Variants in ABCA12 observed in about 807,000 individuals in gnomAD.
ABCA12 encodes the protein ATP binding cassette subfamily A member 12, also known as glucosylceramide transporter ABCA12.
Under a neutral mutation model 293.5 loss-of-function variants are expected in ABCA12, and 156 were observed. The ratio of observed to expected loss-of-function variants is 0.53; its 90% CI spans 0.47 to 0.61. The LOEUF (loss-of-function observed/expected upper bound fraction) is 0.61, where lower values mean the gene tolerates loss of function less well. Ranked by LOEUF, ABCA12 falls within the 20% of genes least tolerant of loss-of-function variation. ABCA12 has a pLI of 0.00. For missense variants in ABCA12, 2,797 were observed against 3,090.2 expected (o/e 0.91, Z 2.25); for synonymous variants, 1,063 against 1,108.0 (o/e 0.96, Z 0.81).
chr2:214,965,121 T>C (rs1020866097), intron 39 of ABCA12, among the ~76,000 whole-genome samples: 1 of 152,004 alleles, frequency 6.6e-6, no homozygotes, highest in Non-Finnish European at 1.5e-5. Flanking sequence ...AAACAAACAA[T>C]GGGGAAAAAG....
chr2:215,071,316 T>A lies in ABCA12; in HGVS notation c.164-7097A>T, dbSNP rs773582192. ...CATACATCATTTCATACAAGCTCCA[T>A]GACAATTCTGTCAGATAGGCAGGGT... On this transcript the variant is annotated intron_variant, in intron 2 of 52. Transcript: ENST00000272895. Among the ~76,000 whole-genome samples the A allele has an allele frequency of 1.6e-4, 24 of 152,188 alleles. No individual in the cohort carries two copies. In the South Asian group the frequency reaches 4.8e-3, roughly 30 times the overall value.
At chr2:215,033,534 G>T (rs1398671956) in intron 8 of ABCA12, among the ~76,000 whole-genome samples, 2 of 152,086 alleles carry the variant, frequency 1.3e-5, no homozygotes, top group Non-Finnish European at 2.9e-5. Flanking sequence ...GGACTATAAA[G>T]TATATTGAGA....
At position 215,004,311 on chromosome 2, in the gene ABCA12, T is replaced by C; in HGVS notation, c.2593-12A>G. 6.3e-7 allele frequency: 1 copy of C among 1,593,024 alleles called. No homozygotes were observed. The highest frequency in any genetic ancestry group is 8.6e-7 in the Non-Finnish European group (1 of 1,163,246). On this transcript the variant is annotated splice_polypyrimidine_tract_variant and intron_variant, in intron 19 of 52. Transcript: ENST00000272895. ...TTCCTTAGAGTATTCTAACAAATAA[T>C]AATTAAAAATCAGTTTCAATACAAG...
intron 2 of ABCA12, among the ~76,000 whole-genome samples, chr2:215,095,590 C>T (rs1005777567): frequency 1.2e-4 from 18 of 152,108 alleles, no homozygotes; most frequent in Admixed American, 8.5e-4. Flanking sequence ...CTCCATACCA[C>T]CCCCAAAAAT....
chr2:215,044,253 T>A lies in ABCA12; in HGVS notation c.872+1584A>T, dbSNP rs958548081. ...TGTCACACTATTTTCCAAATGACTGTGTTGTTTCCCATGCTAACTTGTAAT... is the reference window on the plus strand; with the variant it reads ...TGTCACACTATTTTCCAAATGACTGAGTTGTTTCCCATGCTAACTTGTAAT... On this transcript the variant is annotated intron_variant, in intron 7 of 52. Coordinates refer to ENST00000272895, the MANE Select transcript of ABCA12 (RefSeq NM_173076.3). Among the ~76,000 whole-genome samples, 5 of 152,246 alleles carry A rather than the reference T, an allele frequency of 3.3e-5. No homozygotes were observed. In the East Asian group the frequency reaches 9.6e-4, roughly 29 times the overall value.
intron 39 of ABCA12, 37 bp from the exon 40 acceptor site, chr2:214,959,115 C>A (rs776963472): frequency 6.5e-7 from 1 of 1,546,938 alleles, no homozygotes; most frequent in East Asian, 2.2e-5. Flanking sequence ...AGTAGGTATT[C>A]AGTTAATCAG....
intron 15 of ABCA12, among the ~76,000 whole-genome samples, chr2:215,012,343 G>C (rs983164302): frequency 6.6e-6 from 1 of 152,128 alleles, no homozygotes; most frequent in African/African-American, 2.4e-5. Context: ...ACAAAGATTT[G>C]TATGTGAATG....
chr2:215,132,731 A>C (rs1018342362), intron 1 of ABCA12, among the ~76,000 whole-genome samples: 6 of 152,030 alleles, frequency 3.9e-5, no homozygotes, highest in African/African-American at 1.4e-4. Flanking sequence ...TGAGGCATTT[A>C]TGTTAAAAGT....
At chr2:215,064,014 A>G in intron 3 of ABCA12, 52 bp downstream of exon 3, 2 of 1,611,142 alleles carry the variant, frequency 1.2e-6, no homozygotes, top group Non-Finnish European at 1.7e-6. Flanking sequence ...CTCAGAAGGA[A>G]ACAAGATTTG....
At chr2:215,041,208 A>C (rs1338967726) in intron 7 of ABCA12, among the ~76,000 whole-genome samples, 1 of 152,210 alleles carries the variant, frequency 6.6e-6, no homozygotes, top group Non-Finnish European at 1.5e-5. Context: ...AAAATAAATA[A>C]AAAGAAATAC....
At chr2:215,030,474 A>G (rs1403694399) in intron 9 of ABCA12, among the ~76,000 whole-genome samples, 17 of 151,854 alleles carry the variant, frequency 1.1e-4, no homozygotes, top group South Asian at 8.3e-4. Flanking sequence ...CGTGGTGGCA[A>G]GCGCCTGTAG....
chr2:214,991,571 A>C (rs1043475384), intron 23 of ABCA12, among the ~76,000 whole-genome samples: 1 of 152,148 alleles, frequency 6.6e-6, no homozygotes, highest in African/African-American at 2.4e-5. Flanking sequence ...AATTTAAAAC[A>C]CATAACTTAA....
intron 2 of ABCA12, among the ~76,000 whole-genome samples, chr2:215,092,084 T>C (rs1702159352): frequency 2.6e-5 from 4 of 152,216 alleles, no homozygotes; most frequent in Admixed American, 2.0e-4. Context: ...CCTGATGGCC[T>C]CAGAAGCCTC....
intron 3 of ABCA12, among the ~76,000 whole-genome samples, chr2:215,061,557 T>C (rs1701528680): frequency 6.6e-6 from 1 of 152,136 alleles, no homozygotes; most frequent in Non-Finnish European, 1.5e-5. Context: ...CAGTAAAATA[T>C]ATGCCAGTTT....
chr2:214,962,983 A>G (rs1202934686), intron 39 of ABCA12: 2 of 152,174 alleles, frequency 1.3e-5, no homozygotes, highest in South Asian at 2.1e-4. Context: ...GCTCAAGTTG[A>G]TAACCTAACA....
At chr2:214,990,534 G>A (rs1390168337) in intron 24 of ABCA12, among the ~76,000 whole-genome samples, 168 bp downstream of exon 24, 4 of 152,072 alleles carry the variant, frequency 2.6e-5, no homozygotes, top group Admixed American at 6.6e-5. Context: ...TGTCTTGTAT[G>A]GTATACAGTG....
In ABCA12 at chr2:214,959,024, G is replaced by A. The variant is rs763858530; in HGVS notation, c.5939C>T (p.Thr1980Ile). Reference protein sequence around the residue: ...YPGVQDQEQATISSLIDILVA... With the variant: ...YPGVQDQEQAIISSLIDILVA... Reference sequence around the variant, plus strand: ...AGTCATGCTAGAGATATCTGCTTACGTGGCTTGTTCTTGGTCTTGCACTCC... The same window carrying A: ...AGTCATGCTAGAGATATCTGCTTACATGGCTTGTTCTTGGTCTTGCACTCC... The change falls in exon 40 of 53, where the codon ACA becomes ATA. Residue 1980 changes from threonine (T) to isoleucine (I), a missense_variant and splice_region_variant. Physicochemically the swap from Thr to Ile is moderately conservative, Grantham distance 89. Transcript: ENST00000272895. 5 of 1,613,466 alleles carry A rather than the reference G, an allele frequency of 3.1e-6. No individual in the cohort carries two copies. The highest frequency in any genetic ancestry group is 1.1e-5 in the South Asian group (1 of 91,080).
intron 40 of ABCA12, 26 bp downstream of exon 40, chr2:214,958,998 T>C (rs1559114922): frequency 1.2e-6 from 2 of 1,607,528 alleles, no homozygotes; most frequent in Admixed American, 3.3e-5. Context: ...AAGGAGAAAG[T>C]AGTCATGCTA....
intron 39 of ABCA12, among the ~76,000 whole-genome samples, chr2:214,959,962 C>T (rs999622609): frequency 1.3e-5 from 2 of 152,070 alleles, no homozygotes; most frequent in Admixed American, 6.6e-5. Context: ...ATACTTGTTC[C>T]TATAGTGTCA....
Sources: allele counts gnomAD v4.1 joint callset (sites outside exome capture counted in the v4.1 genomes callset), GRCh38; gene constraint gnomAD v4.1.1; transcripts MANE v1.5; gene names NCBI Gene and HGNC (gene_info 2026-07-23, HGNC 2026-07-21).